RBFOX3: variants seen among roughly 807,000 people sequenced by gnomAD.
The protein encoded by RBFOX3 is RNA binding fox-1 homolog 3.
A neutral mutation model predicts 48.7 loss-of-function variants in RBFOX3; 17 were observed. That is an observed-to-expected ratio of 0.35 (90% CI 0.24 to 0.52). The LOEUF (loss-of-function observed/expected upper bound fraction) is 0.52, where lower values mean the gene tolerates loss of function less well. Ranked by LOEUF, RBFOX3 falls within the 20% of genes least tolerant of loss-of-function variation. The probability of loss-of-function intolerance (pLI) is 0.94; values close to 1 mark genes in which losing one functional copy is unlikely to be tolerated. For synonymous variants in RBFOX3, 212 were observed against 209.5 expected, an observed-to-expected ratio of 1.01 and a Z score of -0.10; for missense variants, 382 against 497.5, an observed-to-expected ratio of 0.77 and a Z score of 2.21.
rs1191451255 is a variant in RBFOX3, at chr17:79,516,784, C to G, written c.-319-34186G>C. Among the ~76,000 whole-genome samples the G allele has an allele frequency of 5.3e-5, 8 of 152,334 alleles. No individual in the cohort carries two copies. In the East Asian group the frequency reaches 1.5e-3, roughly 29 times the overall value. On this transcript the variant is annotated intron_variant, in intron 1 of 14. Coordinates refer to ENST00000693108, the MANE Select transcript of RBFOX3 (RefSeq NM_001350451.2). ...GACGGACAGACGGATGGACGCGATG[C>G]GCTGGAACGATCCCTGCCCCAGGAA...
At chr17:79,486,900 C>T (rs1201799107) in intron 1 of RBFOX3, among the ~76,000 whole-genome samples, 2 of 152,206 alleles carry the variant, frequency 1.3e-5, no homozygotes, top group African/African-American at 4.8e-5. Context: ...GCACTGCTCC[C>T]GAGGCAGCAC....
At chr17:79,137,171 C>T (rs1176932073) in intron 4 of RBFOX3, among the ~76,000 whole-genome samples, 1 of 152,082 alleles carries the variant, frequency 6.6e-6, no homozygotes. Context: ...TGCATGGACT[C>T]ACACACGCAG....
intron 2 of RBFOX3, among the ~76,000 whole-genome samples, chr17:79,365,253 T>C (rs1463326343): frequency 6.6e-6 from 1 of 152,140 alleles, no homozygotes; most frequent in Non-Finnish European, 1.5e-5. Flanking sequence ...CATCCTCCTA[T>C]GAACAAAATA....
At chr17:79,618,861 C>T in the RBFOX3 span, among the ~76,000 whole-genome samples, 22 of 152,200 alleles carry the variant, frequency 1.4e-4, no homozygotes, top group Non-Finnish European at 2.6e-4. Flanking sequence ...CTCAGCAGGC[C>T]TGGGAGAGAC....
rs2149399492 is a variant in RBFOX3, at chr17:79,473,924, G to A, written c.-175+8530C>T. ...AATTTTCCTTCCTCAGGCATTTGCT[G>A]ACGCTCCTTTTCTGTTCTTTCCCCC... On this transcript the variant is annotated intron_variant, in intron 2 of 14. Transcript: ENST00000693108. This position sits in a 1 kb window ranked among gnomAD's most constrained non-coding sequence, Gnocchi z 4.2. Among the ~76,000 whole-genome samples the A allele has an allele frequency of 6.6e-6, 1 of 152,250 alleles. No individual in the cohort carries two copies. The highest frequency in any genetic ancestry group is 6.5e-5 in the Admixed American group (1 of 15,302).
At chr17:79,194,297 G>A (rs2055105246) in intron 4 of RBFOX3, among the ~76,000 whole-genome samples, 1 of 152,120 alleles carries the variant, frequency 6.6e-6, no homozygotes, top group Non-Finnish European at 1.5e-5. Flanking sequence ...GGTTCTGCCA[G>A]GAATCTAGGT....
intron 4 of RBFOX3, among the ~76,000 whole-genome samples, chr17:79,138,304 A>G (rs1366750543): frequency 6.6e-6 from 1 of 152,084 alleles, no homozygotes; most frequent in East Asian, 1.9e-4. Flanking sequence ...ACACTCGCAC[A>G]CTGTGTGGAC....
chr17:79,322,333 C>T (rs149355249), intron 2 of RBFOX3, among the ~76,000 whole-genome samples: 1 of 152,294 alleles, frequency 6.6e-6, no homozygotes, highest in Non-Finnish European at 1.5e-5. Context: ...GCTACGCACT[C>T]CGAACTGGAA....
chr17:79,171,209 G>A (rs1292520219), intron 4 of RBFOX3, among the ~76,000 whole-genome samples: 1 of 152,246 alleles, frequency 6.6e-6, no homozygotes, highest in African/African-American at 2.4e-5. Context: ...ATGCTGCAAT[G>A]AAAACAGTTT....
intron 2 of RBFOX3, among the ~76,000 whole-genome samples, chr17:79,435,003 A>G (rs183626886): frequency 6.6e-6 from 1 of 152,340 alleles, no homozygotes; most frequent in East Asian, 1.9e-4. Context: ...AACACCAAGG[A>G]AGGTAACATC....
At chr17:79,380,190 C>G (rs1043503841) in intron 2 of RBFOX3, among the ~76,000 whole-genome samples, 3 of 152,062 alleles carry the variant, frequency 2.0e-5, no homozygotes, top group Non-Finnish European at 2.9e-5. Context: ...CACAATCCCC[C>G]CCTTGCCACC....
intron 2 of RBFOX3, among the ~76,000 whole-genome samples, chr17:79,454,476 G>A (rs1513934): frequency 0.44 from 67,025 of 151,264 alleles, 14,957 homozygotes; most frequent in East Asian, 0.53. Flanking sequence ...GAACACTGCC[G>A]CTCCCCCACC....
intron 2 of RBFOX3, among the ~76,000 whole-genome samples, chr17:79,457,495 T>G (rs975126338): frequency 2.0e-5 from 3 of 152,188 alleles, no homozygotes; most frequent in Non-Finnish European, 4.4e-5. Flanking sequence ...TAACGCGCCT[T>G]CATGTCCTGC....
intron 2 of RBFOX3, among the ~76,000 whole-genome samples, chr17:79,393,668 G>A (rs1306704863): frequency 6.6e-6 from 1 of 151,954 alleles, no homozygotes; most frequent in East Asian, 1.9e-4. Flanking sequence ...CATGATCTGA[G>A]CCTGTCGCCA....
intron 2 of RBFOX3, among the ~76,000 whole-genome samples, chr17:79,456,219 G>A (rs915044121): frequency 6.6e-6 from 1 of 152,194 alleles, no homozygotes. Context: ...TACTCAACCT[G>A]AAAATCTGGG....
At chr17:79,282,303 C>G (rs925552262) in intron 3 of RBFOX3, among the ~76,000 whole-genome samples, 1 of 152,200 alleles carries the variant, frequency 6.6e-6, no homozygotes, top group Non-Finnish European at 1.5e-5. Context: ...GAGGGAACCT[C>G]GCCCTGTTGG....
At chr17:79,569,084 G>GAAA (rs1282902133) in intron 1 of RBFOX3, among the ~76,000 whole-genome samples, 5 of 137,294 alleles carry the variant, frequency 3.6e-5, no homozygotes, top group African/African-American at 1.3e-4. Context: ...TCTATAGCAA[G>GAAA]AAAAAAAAAA....
intron 2 of RBFOX3, among the ~76,000 whole-genome samples, chr17:79,351,675 AG>A (rs2083967335): frequency 6.6e-6 from 1 of 152,142 alleles, no homozygotes; most frequent in Non-Finnish European, 1.5e-5. Context: ...TATTTTTAAA[AG>A]TGAGCCATTT....
At chr17:79,467,831 T>C (rs2076516028) in intron 2 of RBFOX3, among the ~76,000 whole-genome samples, 2 of 152,052 alleles carry the variant, frequency 1.3e-5, no homozygotes, top group South Asian at 4.1e-4. Flanking sequence ...GGAAGGGACC[T>C]TGAGCAAGGC....
Sources: gnomAD v4.1 joint callset for allele counts (sites outside exome capture counted in the v4.1 genomes callset) on GRCh38, gnomAD v4.1.1 for gene constraint, Gnocchi (gnomAD v3.1) non-coding constraint, MANE v1.5 for transcripts, NCBI Gene and HGNC (gene_info 2026-07-23, HGNC 2026-07-21) for gene names.